Variants in DPP10 observed in about 807,000 individuals in gnomAD.
The protein encoded by DPP10 is dipeptidyl peptidase like 10.
A neutral mutation model predicts 120.9 loss-of-function variants in DPP10; 33 were observed. The observed-to-expected ratio is 0.27, with a 90% CI of 0.21 to 0.37. The LOEUF (loss-of-function observed/expected upper bound fraction) is 0.37. Among genes scored for constraint, DPP10 ranks in the 10% least tolerant of loss-of-function variants. The probability of loss-of-function intolerance (pLI) is 1.00; values close to 1 mark genes in which losing one functional copy is unlikely to be tolerated. For missense variants in DPP10, 816 were observed against 942.8 expected (o/e 0.87, Z 1.76); for synonymous variants, 337 against 326.1 (o/e 1.03, Z -0.36).
At position 115,626,738 on chromosome 2, in the gene DPP10, T is replaced by C. The variant is rs188284194; in HGVS notation, c.442-62949T>C. On this transcript the variant is annotated intron_variant, in intron 5 of 25. Coordinates refer to ENST00000410059, the MANE Select transcript of DPP10 (RefSeq NM_020868.6). ...AGTATCAGTATAACCCTGTTAGACA[T>C]AGACACATACACATATTTAATACAA... Among the ~76,000 whole-genome samples the C allele has an allele frequency of 3.1e-3, 474 of 152,306 alleles. 2 individuals are homozygous for C. The highest frequency in any genetic ancestry group is 0.011 in the African/African-American group (451 of 41,566).
chr2:115,824,420 G>A (rs1351059095), intron 21 of DPP10, among the ~76,000 whole-genome samples: 1 of 152,006 alleles, frequency 6.6e-6, no homozygotes, highest in African/African-American at 2.4e-5. Flanking sequence ...CGTCATCTAG[G>A]TTTTAAGCCC....
intron 7 of DPP10, among the ~76,000 whole-genome samples, chr2:115,721,975 G>T (rs1596890): frequency 0.97 from 147,184 of 152,228 alleles, 71,374 homozygotes; most frequent in Middle Eastern, 1. Context: ...GAAGACATTA[G>T]GCTAAGTGAA....
chr2:115,093,975 T>C (rs1006379209), intron 1 of DPP10, among the ~76,000 whole-genome samples: 1 of 152,116 alleles, frequency 6.6e-6, no homozygotes, highest in Admixed American at 6.6e-5. Flanking sequence ...TGAAATTGAA[T>C]GGATAGTATA....
intron 5 of DPP10, among the ~76,000 whole-genome samples, chr2:115,537,738 A>G (rs554100877): frequency 6.6e-6 from 1 of 151,924 alleles, no homozygotes; most frequent in African/African-American, 2.4e-5. Flanking sequence ...ATTTATTGTG[A>G]TCATAGATTC....
chr2:115,354,494 A>G (rs1441597964), intron 3 of DPP10, among the ~76,000 whole-genome samples: 1 of 152,092 alleles, frequency 6.6e-6, no homozygotes, highest in East Asian at 1.9e-4. Flanking sequence ...TAATGTCTCA[A>G]AATGCATCTA....
intron 1 of DPP10, among the ~76,000 whole-genome samples, chr2:114,471,535 G>T (rs1428672209): frequency 1.3e-5 from 2 of 152,060 alleles, no homozygotes; most frequent in African/African-American, 4.8e-5. Context: ...AAACAGGAAT[G>T]CTAAAATATT....
chr2:115,521,469 C>T (rs977058888), intron 4 of DPP10, among the ~76,000 whole-genome samples: 6 of 152,114 alleles, frequency 3.9e-5, no homozygotes, highest in African/African-American at 1.4e-4. Flanking sequence ...TAAAACTTTC[C>T]TCAAAATATG....
At chr2:115,707,215 G>A (rs1217291759) in intron 7 of DPP10, among the ~76,000 whole-genome samples, 2 of 151,492 alleles carry the variant, frequency 1.3e-5, no homozygotes, top group African/African-American at 4.9e-5. Flanking sequence ...AAATCAGTAG[G>A]GTATAAAAGG....
At chr2:115,274,056 T>C (rs2059810368) in intron 1 of DPP10, among the ~76,000 whole-genome samples, 1 of 152,118 alleles carries the variant, frequency 6.6e-6, no homozygotes, top group East Asian at 1.9e-4. Context: ...TACTCCTGCT[T>C]CCCTCTGTAG....
intron 1 of DPP10, among the ~76,000 whole-genome samples, chr2:114,925,958 C>A (rs1379767081): frequency 6.6e-6 from 1 of 152,116 alleles, no homozygotes; most frequent in Non-Finnish European, 1.5e-5. Context: ...ATTCATGTCC[C>A]AGGTACAGAG....
At chr2:115,233,756 C>CA (rs2057858213) in intron 1 of DPP10, among the ~76,000 whole-genome samples, 1 of 152,130 alleles carries the variant, frequency 6.6e-6, no homozygotes, top group South Asian at 2.1e-4. Flanking sequence ...TGGGCGTGGA[C>CA]AGGATGATAC....
intron 2 of DPP10, among the ~76,000 whole-genome samples, chr2:115,336,434 A>G (rs2063134284): frequency 6.6e-6 from 1 of 152,000 alleles, no homozygotes; most frequent in African/African-American, 2.4e-5. Context: ...TTGTTAAACC[A>G]TATATTTATT....
chr2:114,721,011 A>C (rs1701670102), intron 1 of DPP10, among the ~76,000 whole-genome samples: 1 of 152,020 alleles, frequency 6.6e-6, no homozygotes, highest in Non-Finnish European at 1.5e-5. Flanking sequence ...ATTAACAAGA[A>C]ACACTTTTGA....
At chr2:115,714,094 G>A (rs866631479) in intron 7 of DPP10, among the ~76,000 whole-genome samples, 1 of 152,070 alleles carries the variant, frequency 6.6e-6, no homozygotes, top group African/African-American at 2.4e-5. Flanking sequence ...TAATGTTAAA[G>A]TATCACACAG....
intron 1 of DPP10, among the ~76,000 whole-genome samples, chr2:115,157,244 C>CA (rs569338436): frequency 0.13 from 13,438 of 101,410 alleles, 811 homozygotes; most frequent in Middle Eastern, 0.17. Context: ...TTAAATATAG[C>CA]AAAAAAAAAA....
chr2:115,211,498 G>A (rs1476914026), intron 1 of DPP10, among the ~76,000 whole-genome samples: 3 of 151,970 alleles, frequency 2.0e-5, no homozygotes. Context: ...ATCAATGCAG[G>A]CATATATTGG....
intron 5 of DPP10, among the ~76,000 whole-genome samples, chr2:115,573,344 A>G (rs1481032039): frequency 2.4e-5 from 3 of 123,628 alleles, no homozygotes; most frequent in Non-Finnish European, 4.7e-5. Context: ...GTGCAGTTGT[A>G]GGATCTTGGC....
chr2:114,523,905 G>C (rs144106880), intron 1 of DPP10, among the ~76,000 whole-genome samples: 8 of 152,258 alleles, frequency 5.3e-5, no homozygotes, highest in African/African-American at 1.9e-4. Flanking sequence ...AACAGGAAGT[G>C]ACAAACATAG....
chr2:115,092,335 C>T (rs1331000167), intron 1 of DPP10, among the ~76,000 whole-genome samples: 1 of 152,144 alleles, frequency 6.6e-6, no homozygotes, highest in Non-Finnish European at 1.5e-5. Context: ...TATCATAAAA[C>T]ATCCCATCCA....
Sources: gnomAD v4.1 joint callset for allele counts (sites outside exome capture counted in the v4.1 genomes callset) on GRCh38, gnomAD v4.1.1 for gene constraint, MANE v1.5 for transcripts, NCBI Gene and HGNC (gene_info 2026-07-23, HGNC 2026-07-21) for gene names.